Variants in SRRM4 observed in about 807,000 individuals in gnomAD.
SRRM4 encodes serine/arginine repetitive matrix protein 4.
Under a neutral mutation model 68.9 loss-of-function variants are expected in SRRM4, and 33 were observed. The ratio of observed to expected loss-of-function variants is 0.48; its 90% CI spans 0.36 to 0.64. The LOEUF is 0.64. Ranked by LOEUF, SRRM4 falls within the 30% of genes least tolerant of loss-of-function variation. SRRM4 has a pLI of 0.00. For synonymous variants in SRRM4, 318 were observed against 318.8 expected, an observed-to-expected ratio of 1.00 and a Z score of 0.03; for missense variants, 817 against 827.1, an observed-to-expected ratio of 0.99 and a Z score of 0.15.
chr12:119,032,070 T>TAAAG (rs1279805233), intron 1 of SRRM4, among the ~76,000 whole-genome samples: 1 of 152,204 alleles, frequency 6.6e-6, no homozygotes, highest in Non-Finnish European at 1.5e-5. Context: ...GTTGTTTCAT[T>TAAAG]ATTTATCTTT....
chr12:119,057,476 G>A (rs967550000), intron 1 of SRRM4, among the ~76,000 whole-genome samples: 1 of 152,190 alleles, frequency 6.6e-6, no homozygotes, highest in South Asian at 2.1e-4. Flanking sequence ...TTAGTTTGCT[G>A]AGGATAACAG....
chr12:119,145,361 A>T lies in SRRM4; in HGVS notation c.772-20A>T. ...TGGGCCCAGCGCTCAGCAGTGTCCA[A>T]CGGGTCTTTTTGCTTTCAGATCACT... On this transcript the variant is annotated intron_variant, in intron 8 of 12. Coordinates refer to ENST00000267260, the MANE Select transcript of SRRM4 (RefSeq NM_194286.4). 6.3e-7 allele frequency: 1 copy of T among 1,591,916 alleles called. No individual in the cohort carries two copies. The highest frequency in any genetic ancestry group is 8.6e-7 in the Non-Finnish European group (1 of 1,168,442).
rs1293539164 is a variant in SRRM4 at position 119,136,632 on chromosome 12, G to A, written c.771+5798G>A. Reference sequence around the variant, plus strand: ...AGACACGACCTTGGAAGAAAAAAATGAGTCTTCAAATCGAAAGTATTTAGC... The same window carrying A: ...AGACACGACCTTGGAAGAAAAAAATAAGTCTTCAAATCGAAAGTATTTAGC... On this transcript the variant is annotated intron_variant, in intron 8 of 12. Coordinates refer to ENST00000267260, the MANE Select transcript of SRRM4 (RefSeq NM_194286.4). 2.0e-5 allele frequency among the ~76,000 whole-genome samples: 3 copies of A among 152,300 alleles called. No individual in the cohort carries two copies. The East Asian group carries it at 5.8e-4, about 29-fold the overall frequency.
At chr12:119,064,705 T>C (rs754293385) in intron 1 of SRRM4, among the ~76,000 whole-genome samples, 1 of 152,202 alleles carries the variant, frequency 6.6e-6, no homozygotes, top group East Asian at 1.9e-4. Context: ...AGAGAAAATA[T>C]ATAAATGTAC....
chr12:119,054,983 C>T (rs1386330058), intron 1 of SRRM4, among the ~76,000 whole-genome samples: 1 of 152,116 alleles, frequency 6.6e-6, no homozygotes, highest in Non-Finnish European at 1.5e-5. Context: ...GCATGTGATG[C>T]TTAAAATGAC....
Position 119,127,072 on chromosome 12 carries a change from C to T in SRRM4, c.614+1593C>T, listed in dbSNP as rs7312146. On this transcript the variant is annotated intron_variant, in intron 7 of 12. Coordinates refer to ENST00000267260, the MANE Select transcript of SRRM4 (RefSeq NM_194286.4). ...TGGGGACTGTTGTGGGGTTGGGGGA[C>T]GGGGGAGGGATAGCATTGGGAGATA... Among the ~76,000 whole-genome samples, 14 of 129,394 alleles carry T rather than the reference C, an allele frequency of 1.1e-4. No homozygotes were observed. In the East Asian group the frequency reaches 2.6e-3, roughly 24 times the overall value. The allele number at this position is 129,394 out of a possible 152,430, so 84.9% of individuals were successfully genotyped here. A position where few individuals can be genotyped will look rare whatever the true frequency, so the allele number is the denominator to read the frequency against.
intron 1 of SRRM4, among the ~76,000 whole-genome samples, chr12:119,073,399 C>T (rs183245810): frequency 6.7e-6 from 1 of 149,342 alleles, no homozygotes; most frequent in Non-Finnish European, 1.5e-5. Flanking sequence ...AAGATCATGG[C>T]TCACTGCAAC....
intron 1 of SRRM4, among the ~76,000 whole-genome samples, chr12:119,010,185 C>T (rs969757028): frequency 5.3e-5 from 8 of 152,102 alleles, no homozygotes; most frequent in African/African-American, 1.9e-4. Context: ...CCTGAGTAGC[C>T]GGGACTACAA....
At chr12:119,065,637 A>T (rs1257617270) in intron 1 of SRRM4, among the ~76,000 whole-genome samples, 1 of 152,180 alleles carries the variant, frequency 6.6e-6, no homozygotes. Context: ...TAGGAGACTG[A>T]AGCAGGAGAA....
intron 1 of SRRM4, among the ~76,000 whole-genome samples, chr12:119,092,739 TC>T (rs1954021413): frequency 6.6e-6 from 1 of 152,108 alleles, no homozygotes. Flanking sequence ...CCATATAGGC[TC>T]AGCAAGATGC....
rs117682200 is a variant in SRRM4, at chr12:119,084,547, G to T, written c.132-17689G>T. On this transcript the variant is annotated intron_variant, in intron 1 of 12. Transcript: ENST00000267260. ...TGAGATACACTGCCATCTGCTGCCTGCCCCCTTAGTTAACCTCTCCCTTGC... is the reference window on the plus strand; with the variant it reads ...TGAGATACACTGCCATCTGCTGCCTTCCCCCTTAGTTAACCTCTCCCTTGC... Among the ~76,000 whole-genome samples, 29 of 152,314 alleles carry T rather than the reference G, an allele frequency of 1.9e-4. 1 individual carries two copies. The East Asian group carries it at 5.0e-3, about 26-fold the overall frequency.
intron 1 of SRRM4, among the ~76,000 whole-genome samples, chr12:119,036,277 T>C (rs534595560): frequency 3.9e-5 from 6 of 152,300 alleles, no homozygotes; most frequent in African/African-American, 1.2e-4. Context: ...TTTCCAAAGA[T>C]ACCGCTGGAT....
intron 1 of SRRM4, among the ~76,000 whole-genome samples, chr12:119,004,208 T>TTCTAAGATTCTGAGAC: frequency 6.6e-6 from 1 of 152,114 alleles, no homozygotes; most frequent in East Asian, 2.0e-4. Flanking sequence ...ATGCCCCTGG[T>TTCTAAGATTCTGAGAC]TCTAAGATTC....
chr12:119,048,053 T>C (rs1301617438), intron 1 of SRRM4, among the ~76,000 whole-genome samples: 2 of 152,376 alleles, frequency 1.3e-5, no homozygotes, highest in Non-Finnish European at 2.9e-5. Context: ...TACTTTGCAG[T>C]TTTCAGAGTT....
chr12:119,115,301 T>C (rs768599754), intron 3 of SRRM4, among the ~76,000 whole-genome samples: 3 of 152,168 alleles, frequency 2.0e-5, no homozygotes, highest in Non-Finnish European at 4.4e-5. Context: ...TTTTTCTACG[T>C]CCAATTCCTT....
At chr12:119,103,099 T>C (rs1954086776) in intron 2 of SRRM4, among the ~76,000 whole-genome samples, 1 of 151,334 alleles carries the variant, frequency 6.6e-6, no homozygotes, top group Non-Finnish European at 1.5e-5. Flanking sequence ...AAAAAAAAAA[T>C]TATCCCCTGC....
Position 119,106,124 on chromosome 12 carries a change from G to A in SRRM4, c.278+3742G>A, listed in dbSNP as rs191498511. ...TGTCAAAGATCAAATGGTTGTAGAC[G>A]TGTGTGTTATTTCTGAGGGCTCTGT... On this transcript the variant is annotated intron_variant, in intron 2 of 12. Coordinates refer to ENST00000267260, the MANE Select transcript of SRRM4 (RefSeq NM_194286.4). Among the ~76,000 whole-genome samples the A allele has an allele frequency of 3.9e-5, 6 of 152,254 alleles. No homozygotes were observed. In the East Asian group the frequency reaches 5.8e-4, roughly 15 times the overall value.
At chr12:119,025,384 C>A (rs1372681640) in intron 1 of SRRM4, among the ~76,000 whole-genome samples, 1 of 151,486 alleles carries the variant, frequency 6.6e-6, no homozygotes, top group Admixed American at 6.6e-5. Flanking sequence ...TTAATCCAGG[C>A]CTGCTTAGAT....
At chr12:119,027,662 C>A (rs1024853627) in intron 1 of SRRM4, among the ~76,000 whole-genome samples, 20 of 152,058 alleles carry the variant, frequency 1.3e-4, no homozygotes, top group Non-Finnish European at 2.2e-4. Context: ...CCTGGGGGGG[C>A]ACTTATTATA....
Sources: gnomAD v4.1 joint callset for allele counts (sites outside exome capture counted in the v4.1 genomes callset) on GRCh38, gnomAD v4.1.1 for gene constraint, MANE v1.5 for transcripts, NCBI Gene and HGNC (gene_info 2026-07-23, HGNC 2026-07-21) for gene names.